Variants in NTN4 observed in about 807,000 individuals in gnomAD.
The protein encoded by NTN4 is netrin-4.
In NTN4, 32 loss-of-function variants were observed where a neutral mutation model predicts 73.6. That is an observed-to-expected ratio of 0.44 (90% CI 0.33 to 0.58). The LOEUF (loss-of-function observed/expected upper bound fraction) is 0.58, where lower values mean the gene tolerates loss of function less well. Ranked by LOEUF, NTN4 falls within the 20% of genes least tolerant of loss-of-function variation. The probability of loss-of-function intolerance (pLI) is 0.04; values close to 1 mark genes in which losing one functional copy is unlikely to be tolerated. For missense variants in NTN4, 654 were observed against 798.3 expected (o/e 0.82, Z 2.18); for synonymous variants, 258 against 287.5 (o/e 0.90, Z 1.04).
chr12:95,746,056 G>T (rs2078860147), intron 2 of NTN4, among the ~76,000 whole-genome samples: 1 of 151,904 alleles, frequency 6.6e-6, no homozygotes, highest in African/African-American at 2.4e-5. Flanking sequence ...TAATCACCTA[G>T]ACTTGTTTCC....
At chr12:95,759,964 A>C (rs2078975156) in intron 2 of NTN4, among the ~76,000 whole-genome samples, 1 of 152,010 alleles carries the variant, frequency 6.6e-6, no homozygotes, top group Admixed American at 6.6e-5. Flanking sequence ...TTATTCATCA[A>C]TTTTTCTTTT....
At chr12:95,782,639 C>T (rs2079141713) in intron 2 of NTN4, among the ~76,000 whole-genome samples, 1 of 152,164 alleles carries the variant, frequency 6.6e-6, no homozygotes, top group Non-Finnish European at 1.5e-5. Context: ...CAGCTACTCC[C>T]TCTGTTCTTG....
At chr12:95,715,933 A>G (rs1370449588) in intron 3 of NTN4, among the ~76,000 whole-genome samples, 1 of 152,170 alleles carries the variant, frequency 6.6e-6, no homozygotes. Context: ...CAAAGAAAAG[A>G]GAGTCTTTGA....
At chr12:95,744,545 A>G (rs2078848082) in intron 2 of NTN4, among the ~76,000 whole-genome samples, 1 of 152,144 alleles carries the variant, frequency 6.6e-6, no homozygotes, top group Non-Finnish European at 1.5e-5. Context: ...TAAGAAACTA[A>G]GAAGAGTATA....
chr12:95,719,701 G>A (rs969623981), intron 3 of NTN4, among the ~76,000 whole-genome samples: 1 of 152,074 alleles, frequency 6.6e-6, no homozygotes, highest in Non-Finnish European at 1.5e-5. Flanking sequence ...TTTCATTAAC[G>A]AATAAAATAT....
chr12:95,773,388 C>G (rs1333081499), intron 2 of NTN4, among the ~76,000 whole-genome samples: 1 of 152,156 alleles, frequency 6.6e-6, no homozygotes, highest in African/African-American at 2.4e-5. Context: ...AATTGGGGCT[C>G]CTTTGAGGGA....
At chr12:95,788,395 C>T (rs140282077) in intron 1 of NTN4, among the ~76,000 whole-genome samples, 2 of 152,202 alleles carry the variant, frequency 1.3e-5, no homozygotes. Context: ...TTTAAAATGA[C>T]TTAAAATGAT....
intron 3 of NTN4, among the ~76,000 whole-genome samples, chr12:95,725,926 G>C (rs746918040): frequency 2.0e-5 from 3 of 152,130 alleles, no homozygotes; most frequent in Non-Finnish European, 2.9e-5. Flanking sequence ...CACAGCTATT[G>C]AAAGAATTGG....
At chr12:95,735,617 T>G (rs1280721688) in intron 3 of NTN4, among the ~76,000 whole-genome samples, 3 of 152,228 alleles carry the variant, frequency 2.0e-5, no homozygotes, top group Non-Finnish European at 4.4e-5. Flanking sequence ...GAAAAACACT[T>G]ACTGTATAGT....
rs2079132188 is a variant in NTN4 at position 95,781,393 on chromosome 12, C to T, written c.585+5546G>A. On this transcript the variant is annotated intron_variant, in intron 2 of 9. Transcript: ENST00000343702. This position sits in a 1 kb window ranked among gnomAD's most constrained non-coding sequence, Gnocchi z 4.1. ...CACTCATGAAAACTTGCCAGGAACT[C>T]ATAGTCCTTGTCACTGTCCATTCTA... Among the ~76,000 whole-genome samples, 2 of 152,194 alleles carry T rather than the reference C, an allele frequency of 1.3e-5. No homozygotes were observed. The highest frequency in any genetic ancestry group is 2.9e-5 in the Non-Finnish European group (2 of 68,036).
chr12:95,790,295 C>T lies in NTN4; in HGVS notation c.15G>A (p.Ala5=). The change falls in exon 1 of 10, where the codon GCG becomes GCA. Residue 5 remains alanine, a synonymous_variant. Coordinates refer to ENST00000343702, the MANE Select transcript of NTN4 (RefSeq NM_021229.4). This position sits in a 1 kb window ranked among gnomAD's most constrained non-coding sequence, Gnocchi z 6.5. ...TGCAGCCCCAGAGCAGCAGCAGCCG[C>T]GCGCAGCTCCCCATGGCCGGGAGGA... is the stretch of plus-strand genomic sequence containing the variant. MGSC[A]RLLLLWGCTV... is the part of the protein sequence containing the mutation. The T allele has an allele frequency of 6.5e-7, 1 of 1,532,628 alleles. No individual in the cohort carries two copies. Among genetic ancestry groups the T allele is most frequent in the Admixed American group, 2.0e-5 (1 of 49,794 alleles). The allele number at this position is 1,532,628 out of a possible 1,614,324, so 94.9% of individuals were successfully genotyped here.
chr12:95,784,109 T>C (rs1475803174), intron 2 of NTN4, among the ~76,000 whole-genome samples: 3 of 152,230 alleles, frequency 2.0e-5, no homozygotes, highest in Non-Finnish European at 4.4e-5. Context: ...AAGCCATAAA[T>C]GAAATTTGAG....
chr12:95,709,379 C>T (rs1484067225), intron 5 of NTN4, among the ~76,000 whole-genome samples: 2 of 152,170 alleles, frequency 1.3e-5, no homozygotes, highest in Non-Finnish European at 2.9e-5. Context: ...GCTATTCATC[C>T]ACAGTTGACA....
intron 2 of NTN4, among the ~76,000 whole-genome samples, chr12:95,757,113 C>T (rs992493483): frequency 5.3e-5 from 8 of 152,056 alleles, no homozygotes; most frequent in African/African-American, 1.9e-4. Flanking sequence ...TGCAGGGGAC[C>T]TTGTCTGCTT....
At chr12:95,741,675 T>A (rs2078828141) in intron 2 of NTN4, among the ~76,000 whole-genome samples, 1 of 148,676 alleles carries the variant, frequency 6.7e-6, no homozygotes, top group African/African-American at 2.4e-5. Context: ...AACTTTATAA[T>A]AGCACAGTAA....
intron 5 of NTN4, among the ~76,000 whole-genome samples, chr12:95,688,764 G>A (rs1192687820): frequency 1.4e-5 from 2 of 143,326 alleles, no homozygotes; most frequent in African/African-American, 5.2e-5. Flanking sequence ...TTAAGGAGAA[G>A]GTAGAGAAGG....
At position 95,658,882 on chromosome 12, in the gene NTN4, T is replaced by C. The variant is rs1190670507; in HGVS notation, c.*204A>G. The C allele has an allele frequency of 4.2e-6, 2 of 476,164 alleles. No individual in the cohort carries two copies. Among genetic ancestry groups the C allele is most frequent in the African/African-American group, 4.0e-5 (2 of 50,272 alleles). The allele number at this position is 476,164 out of a possible 1,614,324, so 29.5% of individuals were successfully genotyped here. ...GTCCCATAGAAAACAGATATCAGTGTAGGGGTTTTCATTTCTCTTCATGAA... is the reference window on the plus strand; with the variant it reads ...GTCCCATAGAAAACAGATATCAGTGCAGGGGTTTTCATTTCTCTTCATGAA... On this transcript the variant is annotated 3_prime_UTR_variant, in exon 10 of 10. Coordinates refer to ENST00000343702, the MANE Select transcript of NTN4 (RefSeq NM_021229.4).
intron 5 of NTN4, among the ~76,000 whole-genome samples, chr12:95,692,853 G>A (rs948770329): frequency 2.6e-5 from 4 of 152,124 alleles, no homozygotes; most frequent in Non-Finnish European, 4.4e-5. Flanking sequence ...CTGGTGATGA[G>A]GCTTATTATT....
chr12:95,669,046 C>A (rs1421996076), intron 8 of NTN4, among the ~76,000 whole-genome samples: 2 of 151,978 alleles, frequency 1.3e-5, no homozygotes, highest in Non-Finnish European at 2.9e-5. Context: ...ATTGCTTGAA[C>A]CTGGGAGGTG....
Sources: allele counts gnomAD v4.1 joint callset (sites outside exome capture counted in the v4.1 genomes callset), GRCh38; gene constraint gnomAD v4.1.1; non-coding constraint Gnocchi (gnomAD v3.1); transcripts MANE v1.5; gene names NCBI Gene and HGNC (gene_info 2026-07-23, HGNC 2026-07-21).